The following MYT1L variants were observed in gnomAD, a reference collection of about 807,000 sequenced individuals.
MYT1L encodes myelin transcription factor 1-like protein.
A neutral mutation model predicts 126.7 loss-of-function variants in MYT1L; 12 were observed. The observed-to-expected ratio is 0.09, with a 90% CI of 0.06 to 0.15. The LOEUF (loss-of-function observed/expected upper bound fraction) is 0.15, where lower values mean the gene tolerates loss of function less well. Ranked by LOEUF, MYT1L falls within the 10% of genes least tolerant of loss-of-function variation. The pLI, the probability that MYT1L is intolerant of heterozygous loss-of-function variation, is 1.00. For synonymous variants in MYT1L, 541 were observed against 604.2 expected (o/e 0.90, Z 1.53); for missense variants, 979 against 1,585.2 (o/e 0.62, Z 6.49).
At chr2:2,117,563 G>C (rs2080379929) in intron 3 of MYT1L, among the ~76,000 whole-genome samples, 2 of 152,144 alleles carry the variant, frequency 1.3e-5, no homozygotes, top group South Asian at 4.1e-4. Context: ...CTGGTATTGG[G>C]CAGAACACAA....
At chr2:2,245,357 C>T (rs2094515538) in intron 2 of MYT1L, among the ~76,000 whole-genome samples, 1 of 151,840 alleles carries the variant, frequency 6.6e-6, no homozygotes, top group Non-Finnish European at 1.5e-5. Context: ...CGAGCTCTAG[C>T]CTACTCCAAG....
Position 1,863,724 on chromosome 2 carries a change from C to T in MYT1L, c.2712-12021G>A, listed in dbSNP as rs541735094. 3.5e-5 allele frequency among the ~76,000 whole-genome samples: 5 copies of T among 142,896 alleles called. No homozygotes were observed. In the South Asian group the frequency reaches 1.1e-3, roughly 32 times the overall value. The allele number at this position is 142,896 out of a possible 152,430, so 93.7% of individuals were successfully genotyped here. ...GACAGTGGAAGGACTTGAACCATGT[C>T]ACTTGAGAAACAAAAAAGGGGGGGG... On this transcript the variant is annotated intron_variant, in intron 18 of 24. Transcript: ENST00000647738.
chr2:1,991,447 C>G (rs933299712), intron 5 of MYT1L, among the ~76,000 whole-genome samples: 1 of 152,110 alleles, frequency 6.6e-6, no homozygotes, highest in African/African-American at 2.4e-5. Context: ...AGGTGCACAC[C>G]ATGTCTGGCT....
intron 3 of MYT1L, among the ~76,000 whole-genome samples, chr2:2,096,689 G>C (rs1339637490): frequency 3.3e-5 from 5 of 152,152 alleles, no homozygotes; most frequent in Non-Finnish European, 7.3e-5. Flanking sequence ...GGGTGAGTCC[G>C]CATTGCAGGT....
At chr2:1,961,029 C>T (rs1055729863) in intron 8 of MYT1L, among the ~76,000 whole-genome samples, 7 of 152,186 alleles carry the variant, frequency 4.6e-5, no homozygotes, top group Non-Finnish European at 1.0e-4. Context: ...GAGAGCTGTG[C>T]GTGCAGTTAG....
intron 8 of MYT1L, among the ~76,000 whole-genome samples, chr2:1,976,973 T>C (rs749865390): frequency 2.0e-5 from 3 of 152,190 alleles, no homozygotes; most frequent in Non-Finnish European, 2.9e-5. Context: ...CCATTAGTGA[T>C]GTAGTGGAAG....
At chr2:1,891,961 G>A (rs1279724863) in intron 15 of MYT1L, 76 bp downstream of exon 15, 5 of 1,441,356 alleles carry the variant, frequency 3.5e-6, no homozygotes, top group African/African-American at 1.4e-5. Context: ...CGAAAGCGCC[G>A]CGTGTCTCGG....
chr2:2,156,930 A>G (rs1462954995), intron 3 of MYT1L, among the ~76,000 whole-genome samples: 2 of 152,240 alleles, frequency 1.3e-5, no homozygotes, highest in African/African-American at 4.8e-5. Context: ...GTTTCTTTAG[A>G]AAACAAAGCT....
intron 2 of MYT1L, among the ~76,000 whole-genome samples, chr2:2,217,706 CA>C (rs35934436): frequency 0.043 from 3,948 of 91,076 alleles, 367 homozygotes; most frequent in African/African-American, 0.14. Context: ...ACAACAACAA[CA>C]AAAAAAAAAA....
At chr2:1,911,939 C>T (rs930038399) in intron 12 of MYT1L, 81 bp downstream of exon 12, 16 of 1,110,888 alleles carry the variant, frequency 1.4e-5, no homozygotes, top group South Asian at 1.0e-4. Flanking sequence ...CCATATGGAG[C>T]GTGGTAGGCC....
intron 4 of MYT1L, among the ~76,000 whole-genome samples, chr2:2,041,036 A>G (rs1407174708): frequency 6.6e-6 from 1 of 152,260 alleles, no homozygotes; most frequent in Non-Finnish European, 1.5e-5. Flanking sequence ...CTGGAAAGAT[A>G]CATTTGTTTA....
intron 8 of MYT1L, among the ~76,000 whole-genome samples, chr2:1,975,546 T>C (rs574987340): frequency 3.3e-5 from 5 of 152,222 alleles, no homozygotes; most frequent in African/African-American, 1.2e-4. Context: ...CTGGCCAACA[T>C]TGTGAAACCC....
chr2:2,205,299 A>G (rs1416189860), intron 2 of MYT1L, among the ~76,000 whole-genome samples: 1 of 152,106 alleles, frequency 6.6e-6, no homozygotes, highest in Non-Finnish European at 1.5e-5. Context: ...ATATACAAAA[A>G]AAGAAAACAG....
chr2:2,240,887 T>A lies in MYT1L; in HGVS notation c.-421+43517A>T, dbSNP rs191586929. 1.1e-4 allele frequency among the ~76,000 whole-genome samples: 17 copies of A among 152,262 alleles called. No individual in the cohort carries two copies. The East Asian group carries it at 3.1e-3, about 28-fold the overall frequency. ...TTTTAACAACTTAGATATATGTAGG[T>A]CAAAAGTCATGTTGTTCAGAACCAC... On this transcript the variant is annotated intron_variant, in intron 2 of 24. Transcript: ENST00000647738.
chr2:1,798,230 C>G (rs1285853004), intron 23 of MYT1L, among the ~76,000 whole-genome samples: 1 of 143,360 alleles, frequency 7.0e-6, no homozygotes, highest in African/African-American at 2.6e-5. Context: ...TCCCTCCATC[C>G]GGCACAGGCG....
chr2:1,904,797 A>ATT (rs35388568), intron 13 of MYT1L, among the ~76,000 whole-genome samples: 1 of 144,392 alleles, frequency 6.9e-6, no homozygotes, highest in African/African-American at 2.6e-5. Flanking sequence ...CGCCTGGCTA[A>ATT]TTTTTTTTTT....
At chr2:1,872,524 A>T (rs1004037854) in intron 18 of MYT1L, among the ~76,000 whole-genome samples, 2 of 152,230 alleles carry the variant, frequency 1.3e-5, no homozygotes, top group Non-Finnish European at 2.9e-5. Context: ...GAATATTTTT[A>T]AATTGTACCA....
intron 3 of MYT1L, among the ~76,000 whole-genome samples, chr2:2,112,025 C>T (rs1282253498): frequency 6.6e-6 from 1 of 152,154 alleles, no homozygotes; most frequent in African/African-American, 2.4e-5. Flanking sequence ...TATTTTTTTG[C>T]CAGCTTCCTG....
intron 14 of MYT1L, among the ~76,000 whole-genome samples, chr2:1,896,917 C>T (rs1463404953): frequency 6.6e-6 from 1 of 152,116 alleles, no homozygotes; most frequent in Non-Finnish European, 1.5e-5. Context: ...CTTAAATTAT[C>T]CTGAAGTTAT....
Sources: gnomAD v4.1 joint callset for allele counts (sites outside exome capture counted in the v4.1 genomes callset) on GRCh38, gnomAD v4.1.1 for gene constraint, MANE v1.5 for transcripts, NCBI Gene and HGNC (gene_info 2026-07-23, HGNC 2026-07-21) for gene names.